The following C6orf132 variants were observed in gnomAD, a reference collection of about 807,000 sequenced individuals.
The protein encoded by C6orf132 is uncharacterized protein C6orf132.
A neutral mutation model predicts 65.3 loss-of-function variants in C6orf132; 43 were observed. The ratio of observed to expected loss-of-function variants is 0.66; its 90% CI spans 0.52 to 0.85. The LOEUF (loss-of-function observed/expected upper bound fraction) is 0.85. Among genes scored for constraint, C6orf132 ranks in the 40% least tolerant of loss-of-function variants. The pLI is 0.00. For synonymous variants in C6orf132, 631 were observed against 654.1 expected (o/e 0.96, Z 0.54); for missense variants, 1,488 against 1,548.8 (o/e 0.96, Z 0.66).
intron 2 of C6orf132, among the ~76,000 whole-genome samples, chr6:42,115,433 T>C (rs1045050038): frequency 6.6e-6 from 1 of 150,872 alleles, no homozygotes; most frequent in Non-Finnish European, 1.5e-5. Flanking sequence ...GATCATGAGG[T>C]CAGGAGATTG....
Position 42,106,710 on chromosome 6 carries a change from GGT to G in C6orf132, c.1200_1201del (p.Leu403ProfsTer32). The G allele has an allele frequency of 1.5e-6, 1 of 687,044 alleles. No homozygotes were observed. Among genetic ancestry groups the G allele is most frequent in the Non-Finnish European group, 2.2e-6 (1 of 450,490 alleles). 42.6% of individuals were successfully genotyped at this position (687,044 alleles called of 1,614,324 possible). On this transcript the variant is annotated frameshift_variant, in exon 4 of 5. Coordinates refer to ENST00000341865, the MANE Select transcript of C6orf132 (RefSeq NM_001164446.3). LOFTEE classifies it high-confidence loss of function. The stretch of plus-strand genomic sequence containing the variant: ...TGGGGGTGCTGGGGGAGGGAGGGGG[GGT>G]GCAGGAGGGGGCAGGGGAGGGGCTG...
intron 2 of C6orf132, among the ~76,000 whole-genome samples, chr6:42,117,564 C>T (rs1020202014): frequency 1.4e-4 from 21 of 151,974 alleles, no homozygotes; most frequent in African/African-American, 4.6e-4. Context: ...TGACACAGAC[C>T]GGGCAGTTAA....
intron 3 of C6orf132, among the ~76,000 whole-genome samples, chr6:42,109,662 C>A (rs1766466943): frequency 6.6e-6 from 1 of 152,106 alleles, no homozygotes; most frequent in African/African-American, 2.4e-5. Context: ...GGAAAGCAAG[C>A]AAGCAAAGTG....
At chr6:42,128,799 G>T (rs1766809317) in intron 1 of C6orf132, 21 bp from the exon 2 acceptor site, 2 of 1,523,856 alleles carry the variant, frequency 1.3e-6, no homozygotes, top group Non-Finnish European at 1.8e-6. Flanking sequence ...CAAGTGAGGG[G>T]ACACCATAAG....
Position 42,124,869 on chromosome 6 carries a change from C to T in C6orf132, c.252+3803G>A, listed in dbSNP as rs1047857754. On this transcript the variant is annotated intron_variant, in intron 2 of 4. Transcript: ENST00000341865. This position sits in a 1 kb window ranked among gnomAD's most constrained non-coding sequence, Gnocchi z 4.0. ...GGATTCCCCTCCACCCGGGAGCAAG[C>T]GACGAACGACATGGAAGCTGCCCTA... Among the ~76,000 whole-genome samples the T allele has an allele frequency of 5.9e-5, 9 of 152,190 alleles. No individual in the cohort carries two copies. Among genetic ancestry groups the T allele is most frequent in the African/African-American group, 1.9e-4 (8 of 41,450 alleles).
At chr6:42,129,277 C>G (rs1294214983) in intron 1 of C6orf132, among the ~76,000 whole-genome samples, 1 of 152,210 alleles carries the variant, frequency 6.6e-6, no homozygotes, top group Non-Finnish European at 1.5e-5. Context: ...TCAAGATTTC[C>G]CTGACCACCA....
chr6:42,141,435 A>G (rs1003913916), intron 1 of C6orf132, among the ~76,000 whole-genome samples: 28 of 152,192 alleles, frequency 1.8e-4, no homozygotes, highest in Non-Finnish European at 1.5e-4. Context: ...TTCTGTCTCC[A>G]GCCGCTGGCT....
intron 2 of C6orf132, among the ~76,000 whole-genome samples, chr6:42,119,093 A>G (rs1435489189): frequency 1.3e-5 from 2 of 148,322 alleles, no homozygotes; most frequent in Non-Finnish European, 3.0e-5. Context: ...AAGAAAAAAA[A>G]AATAGGCAGG....
chr6:42,105,114 T>C lies in C6orf132; in HGVS notation c.2798A>G (p.His933Arg). The change falls in exon 4 of 5, where the codon CAC (histidine) becomes CGC (arginine). Residue 933 changes from histidine (H) to arginine (R), a missense_variant. By Grantham distance (29) the His-to-Arg change is conservative. Transcript: ENST00000341865. Reference protein sequence around the residue: ...DAEGTELSRRHNWTKPEPQAP... With the variant: ...DAEGTELSRRRNWTKPEPQAP... ...CTGGGGCTCTGGCTTTGTCCAGTTG[T>C]GCCTGCGGCTCAGCTCTGTGCCCTC... The C allele has an allele frequency of 6.5e-7, 1 of 1,536,966 alleles. No individual in the cohort carries two copies. Among genetic ancestry groups the C allele is most frequent in the South Asian group, 1.2e-5 (1 of 84,054 alleles).
intron 2 of C6orf132, among the ~76,000 whole-genome samples, chr6:42,126,016 C>T (rs984908425): frequency 7.2e-5 from 11 of 152,162 alleles, no homozygotes; most frequent in African/African-American, 2.4e-4. Flanking sequence ...AGGGGCAGGA[C>T]AGCAGGAGCC....
chr6:42,118,560 C>T (rs1766621933), intron 2 of C6orf132, among the ~76,000 whole-genome samples: 3 of 152,196 alleles, frequency 2.0e-5, no homozygotes, highest in Admixed American at 6.5e-5. Context: ...AAGGGGCAGA[C>T]CAACCTGTGT....
At chr6:42,116,431 A>T (rs899903887) in intron 2 of C6orf132, among the ~76,000 whole-genome samples, 52 of 151,966 alleles carry the variant, frequency 3.4e-4, no homozygotes, top group African/African-American at 1.3e-3. Flanking sequence ...AGTTCTGCCC[A>T]TCACTTCCTG....
At chr6:42,119,869 G>A (rs1257232905) in intron 2 of C6orf132, among the ~76,000 whole-genome samples, 1 of 151,868 alleles carries the variant, frequency 6.6e-6, no homozygotes. Context: ...GCCGAGGTGG[G>A]CTGATCACCT....
At position 42,104,149 on chromosome 6, in the gene C6orf132, T is replaced by C. The variant is rs186915046; in HGVS notation, c.3450-271A>G. 3.9e-5 allele frequency among the ~76,000 whole-genome samples: 6 copies of C among 152,278 alleles called. No individual in the cohort carries two copies. The highest frequency in any genetic ancestry group is 1.3e-4 in the Admixed American group (2 of 15,296). On this transcript the variant is annotated intron_variant, in intron 4 of 4. Transcript: ENST00000341865. The surrounding 1 kb of genome is among the most constrained non-coding windows in gnomAD (Gnocchi z 4.1). ...GCCTGTGTCGGGATCCAACTCTGTG[T>C]TGGGAAATCCCTCCACCCAAGGGCC...
chr6:42,103,837 G>T lies in C6orf132; in HGVS notation c.3491C>A (p.Thr1164Lys). Residue 1164 changes from threonine to lysine, a missense_variant, in exon 5 of 5, where the codon ACG becomes AAG. Transcript: ENST00000341865. ...GCGGGTCCCAGGCCTCACGGTGAAC[G>T]TGTTGATGGGGCTTCCATAGCGGGT... ...TTTRYGSPIN[T>K]FTVRPGTRHP... 4 of 1,492,506 alleles carry T rather than the reference G, an allele frequency of 2.7e-6. No individual in the cohort carries two copies. The highest frequency in any genetic ancestry group is 1.3e-5 in the South Asian group (1 of 78,608). 92.5% of individuals were successfully genotyped at this position (1,492,506 alleles called of 1,614,324 possible).
intron 1 of C6orf132, among the ~76,000 whole-genome samples, chr6:42,130,250 T>A (rs1766830787): frequency 6.6e-6 from 1 of 152,214 alleles, no homozygotes; most frequent in South Asian, 2.1e-4. Flanking sequence ...TGGGCAAATA[T>A]GATTTTCCAG....
In C6orf132 at chr6:42,128,695, G is replaced by A. The variant is rs1368375790; in HGVS notation, c.229C>T (p.Pro77Ser). 6 of 1,551,302 alleles carry A rather than the reference G, an allele frequency of 3.9e-6. No individual in the cohort carries two copies. The highest frequency in any genetic ancestry group is 8.7e-7 in the Non-Finnish European group (1 of 1,146,932). The change falls in exon 2 of 5, where the codon CCC (proline) becomes TCC (serine). Residue 77 changes from proline to serine, a missense_variant. Coordinates refer to ENST00000341865, the MANE Select transcript of C6orf132 (RefSeq NM_001164446.3). ...ATLKARPRVRPLLTFLPLNAQ... is the reference protein window; with the variant it reads ...ATLKARPRVRSLLTFLPLNAQ... ...ACCAGCGGAAGGAAGGTCAGCAGGG[G>A]CCGGACTCTTGGCCGAGCTTTCAGC...
rs558151935 is a variant in C6orf132 at position 42,117,058 on chromosome 6, C to T, written c.253-6767G>A. Among the ~76,000 whole-genome samples, 6 of 152,308 alleles carry T rather than the reference C, an allele frequency of 3.9e-5. No homozygotes were observed. In the South Asian group the frequency reaches 1.0e-3, roughly 26 times the overall value. ...ACTCTGCCTAGGATTCTCTTCTTTT[C>T]CTGGCAAACTCCTAGGTATCCTTTA... On this transcript the variant is annotated intron_variant, in intron 2 of 4. Transcript: ENST00000341865.
At chr6:42,119,066 CAAAAAAAA>C (rs1160587167) in intron 2 of C6orf132, among the ~76,000 whole-genome samples, 1 of 54,782 alleles carries the variant, frequency 1.8e-5, no homozygotes, top group Non-Finnish European at 3.3e-5. Flanking sequence ...CCTGTCTCTA[CAAAAAAAA>C]AAAAAAAAAA....
Sources: gnomAD v4.1 joint callset for allele counts (sites outside exome capture counted in the v4.1 genomes callset) on GRCh38, gnomAD v4.1.1 for gene constraint, Gnocchi (gnomAD v3.1) non-coding constraint, MANE v1.5 for transcripts, NCBI Gene and HGNC (gene_info 2026-07-23, HGNC 2026-07-21) for gene names.